The following NEGR1 variants were observed in gnomAD, a reference collection of about 807,000 sequenced individuals.
The protein encoded by NEGR1 is neuronal growth regulator 1.
NEGR1 carries 10 observed loss-of-function variants against 40.9 expected under a neutral mutation model. That is an observed-to-expected ratio of 0.24 (90% confidence interval 0.15 to 0.42). NEGR1 has a LOEUF of 0.42. Ranked by LOEUF, NEGR1 falls within the 10% of genes least tolerant of loss-of-function variation. The pLI is 1.00. For missense variants in NEGR1, 352 were observed against 438.9 expected (o/e 0.80, Z 1.77); for synonymous variants, 185 against 166.8 (o/e 1.11, Z -0.84).
chr1:71,760,559 A>G (rs1433319481), intron 3 of NEGR1, among the ~76,000 whole-genome samples: 3 of 152,232 alleles, frequency 2.0e-5, no homozygotes, highest in African/African-American at 7.2e-5. Context: ...ATAATTATCC[A>G]TTATGTAAAG....
intron 6 of NEGR1, among the ~76,000 whole-genome samples, chr1:71,565,141 G>A (rs1648579183): frequency 6.6e-6 from 1 of 152,078 alleles, no homozygotes; most frequent in Non-Finnish European, 1.5e-5. Context: ...ACACTCCCTG[G>A]TGGTTCCTCG....
chr1:72,056,386 T>A (rs1051125982), intron 1 of NEGR1, among the ~76,000 whole-genome samples: 1 of 151,424 alleles, frequency 6.6e-6, no homozygotes. Flanking sequence ...AATGATCGCA[T>A]AGAGAATCAA....
chr1:72,145,879 T>C (rs1298653607), intron 1 of NEGR1, among the ~76,000 whole-genome samples: 1 of 152,176 alleles, frequency 6.6e-6, no homozygotes, highest in Non-Finnish European at 1.5e-5. Flanking sequence ...TTTTACTAAC[T>C]CCATCCATAT....
intron 5 of NEGR1, among the ~76,000 whole-genome samples, chr1:71,599,972 A>G (rs1238660669): frequency 3.9e-5 from 6 of 152,184 alleles, no homozygotes; most frequent in African/African-American, 1.4e-4. Flanking sequence ...TCTAATATCA[A>G]TATGCCCATG....
chr1:71,662,486 C>T (rs1652098825), intron 4 of NEGR1, among the ~76,000 whole-genome samples: 1 of 152,150 alleles, frequency 6.6e-6, no homozygotes, highest in Non-Finnish European at 1.5e-5. Flanking sequence ...GATTTATAGA[C>T]TGAACCTTGG....
rs149455719 is a variant in NEGR1, at chr1:71,943,523, A to C, written c.177-8212T>G. 2.2e-4 allele frequency among the ~76,000 whole-genome samples: 34 copies of C among 152,198 alleles called. No individual in the cohort carries two copies. In the East Asian group the frequency reaches 6.6e-3, roughly 29 times the overall value. The stretch of plus-strand genomic sequence containing the variant: ...TTCCATTAATAAGAAGCTTCCAAGC[A>C]AGAATATATGTCTGTGTTAGGAGGG... On this transcript the variant is annotated intron_variant, in intron 1 of 6. Coordinates refer to ENST00000357731, the MANE Select transcript of NEGR1 (RefSeq NM_173808.3).
At position 71,504,755 on chromosome 1, in the gene NEGR1, G is replaced by C. The variant is rs897641717; in HGVS notation, c.940+88062C>G. 6.6e-5 allele frequency among the ~76,000 whole-genome samples: 10 copies of C among 152,232 alleles called. No individual in the cohort carries two copies. The East Asian group carries it at 9.7e-4, about 15-fold the overall frequency. ...GGACAGTATCCGAGGTAAAAGGGGA[G>C]GGATTTTAGGTTCTGATATTGAAGA... On this transcript the variant is annotated intron_variant, in intron 6 of 6. Coordinates refer to ENST00000357731, the MANE Select transcript of NEGR1 (RefSeq NM_173808.3).
At chr1:72,017,688 G>A (rs1646723881) in intron 1 of NEGR1, among the ~76,000 whole-genome samples, 1 of 148,270 alleles carries the variant, frequency 6.7e-6, no homozygotes, top group Non-Finnish European at 1.5e-5. Context: ...TTTTTTTTCA[G>A]AAAACTGGTT....
intron 1 of NEGR1, among the ~76,000 whole-genome samples, chr1:72,191,614 T>TG (rs1652823065): frequency 6.6e-6 from 1 of 151,924 alleles, no homozygotes; most frequent in Non-Finnish European, 1.5e-5. Context: ...ACTGTTTTAA[T>TG]TCATTCTAGA....
intron 3 of NEGR1, among the ~76,000 whole-genome samples, chr1:71,701,990 G>C (rs940108200): frequency 1.3e-5 from 2 of 151,892 alleles, no homozygotes; most frequent in African/African-American, 4.8e-5. Flanking sequence ...GCAATAAGAG[G>C]GGGTATATGG....
At chr1:71,875,173 CTTA>C (rs1660389674) in intron 2 of NEGR1, among the ~76,000 whole-genome samples, 1 of 152,046 alleles carries the variant, frequency 6.6e-6, no homozygotes. Context: ...TAAAAGTATA[CTTA>C]TATTACATCA....
chr1:71,695,885 A>T (rs534043392), intron 4 of NEGR1, among the ~76,000 whole-genome samples: 1 of 151,896 alleles, frequency 6.6e-6, no homozygotes, highest in East Asian at 1.9e-4. Flanking sequence ...TGCTGCCATT[A>T]TATATTTTTT....
chr1:71,592,843 G>A lies in NEGR1; in HGVS notation c.914C>T (p.Thr305Ile). 6.2e-7 allele frequency: 1 copy of A among 1,613,304 alleles called. No homozygotes were observed. Among genetic ancestry groups the A allele is most frequent in the Non-Finnish European group, 8.5e-7 (1 of 1,179,396 alleles). ...YTCVAANKLG[T>I]TNASLPLNPP... ...GTTAAGAGGCAGGCTCGCATTGGTT[G>A]TGCCTAGCTTGTTGGCAGCCACACA... Residue 305 changes from threonine to isoleucine, a missense_variant, in exon 6 of 7, where the codon ACA becomes ATA. By Grantham distance (89) the Thr-to-Ile change is moderately conservative. This residue lies in a region of NEGR1 where 184 missense variants were observed against 208.7 expected (regional missense o/e 0.88). Transcript: ENST00000357731.
intron 3 of NEGR1, among the ~76,000 whole-genome samples, chr1:71,770,520 T>TA (rs1656280661): frequency 6.6e-6 from 1 of 152,198 alleles, no homozygotes; most frequent in African/African-American, 2.4e-5. Context: ...TTGTATGGTA[T>TA]AAAATCAATC....
At chr1:71,826,566 A>C (rs1658633228) in intron 2 of NEGR1, among the ~76,000 whole-genome samples, 1 of 151,902 alleles carries the variant, frequency 6.6e-6, no homozygotes, top group Admixed American at 6.6e-5. Context: ...AGATATAAGT[A>C]GATTTCCATT....
intron 3 of NEGR1, among the ~76,000 whole-genome samples, chr1:71,717,299 T>A (rs1266410641): frequency 6.6e-6 from 1 of 152,248 alleles, no homozygotes; most frequent in African/African-American, 2.4e-5. Context: ...TGTTTACATG[T>A]CCTCTATGCC....
rs1026374176 is a variant in NEGR1, at chr1:71,794,089, C to T, written c.410-17792G>A. On this transcript the variant is annotated intron_variant, in intron 2 of 6. Transcript: ENST00000357731. ...AGGATAAGTATTCAAAGCAAAGGTGCAAACAAGTCATTGCTAATAGATAAC... is the reference window on the plus strand; with the variant it reads ...AGGATAAGTATTCAAAGCAAAGGTGTAAACAAGTCATTGCTAATAGATAAC... The T allele has an allele frequency of 3.3e-5, 5 of 152,024 alleles. No homozygotes were observed. In the South Asian group the frequency reaches 1.0e-3, roughly 32 times the overall value. The allele number at this position is 152,024 out of a possible 1,614,324, so 9.4% of individuals were successfully genotyped here. A position where few individuals can be genotyped will look rare whatever the true frequency, so the allele number is the denominator to read the frequency against.
In NEGR1 at chr1:71,863,267, C is replaced by A. The variant is rs187164499; in HGVS notation, c.409+71812G>T. Reference sequence around the variant, plus strand: ...TATACACCATGGAATACTATGCAGCCACGTAAAGGAACAAGATCATGTCCT... The same window carrying A: ...TATACACCATGGAATACTATGCAGCAACGTAAAGGAACAAGATCATGTCCT... On this transcript the variant is annotated intron_variant, in intron 2 of 6. Coordinates refer to ENST00000357731, the MANE Select transcript of NEGR1 (RefSeq NM_173808.3). 1.4e-4 allele frequency among the ~76,000 whole-genome samples: 22 copies of A among 152,208 alleles called. No homozygotes were observed. In the East Asian group the frequency reaches 2.1e-3, roughly 15 times the overall value.
chr1:71,825,883 C>T (rs1658601904), intron 2 of NEGR1, among the ~76,000 whole-genome samples: 1 of 151,856 alleles, frequency 6.6e-6, no homozygotes. Context: ...ACATGTATCC[C>T]TTTTACTACT....
Sources: allele counts gnomAD v4.1 joint callset (sites outside exome capture counted in the v4.1 genomes callset), GRCh38; gene constraint gnomAD v4.1.1; regional missense constraint gnomAD v4.1.1; transcripts MANE v1.5; gene names NCBI Gene and HGNC (gene_info 2026-07-23, HGNC 2026-07-21).